The following BPIFB3 variants were observed in gnomAD, a reference collection of about 807,000 sequenced individuals.
BPIFB3 encodes BPI fold containing family B member 3.
A neutral mutation model predicts 53.1 loss-of-function variants in BPIFB3; 49 were observed. The ratio of observed to expected loss-of-function variants is 0.92; its 90% CI spans 0.73 to 1.17. BPIFB3 has a LOEUF of 1.17. BPIFB3 is among the 50% of genes most tolerant of loss of function. The pLI, the probability that BPIFB3 is intolerant of heterozygous loss-of-function variation, is 0.00. For missense variants in BPIFB3, 628 were observed against 592.5 expected (o/e 1.06, Z -0.62); for synonymous variants, 271 against 269.6 (o/e 1.01, Z -0.05).
At chr20:33,055,415 C>T (rs6057713), upstream of BPIFB3, 11 of 1,613,118 alleles carry the variant, frequency 6.8e-6, no homozygotes, top group Non-Finnish European at 6.8e-6. Context: ...CCTTCTGCTC[C>T]TTATAGGCAT....
At chr20:33,053,941 C>A (rs910024549), upstream of BPIFB3, among the ~76,000 whole-genome samples, 5 of 152,172 alleles carry the variant, frequency 3.3e-5, no homozygotes, top group Admixed American at 6.5e-5. Context: ...CCCCACCTAC[C>A]CCTTGTGGAG....
rs1042146490 is a variant in BPIFB3 at position 33,060,150 on chromosome 20, C to T, written c.527+119C>T. On this transcript the variant is annotated intron_variant, in intron 4 of 14. Coordinates refer to ENST00000375494, the Ensembl canonical transcript of BPIFB3. ...TGCGGGGGCCTGAACTCGTCCTACCCCTGCTTGTCCCGCCGGTTTCAACCC... is the reference window on the plus strand; with the variant it reads ...TGCGGGGGCCTGAACTCGTCCTACCTCTGCTTGTCCCGCCGGTTTCAACCC... The T allele has an allele frequency of 2.6e-4, 343 of 1,338,548 alleles. 2 individuals are homozygous for T. Among genetic ancestry groups the T allele is most frequent in the Middle Eastern group, 5.9e-4 (3 of 5,110 alleles). The allele number at this position is 1,338,548 out of a possible 1,614,324, so 82.9% of individuals were successfully genotyped here. A position where few individuals can be genotyped will look rare whatever the true frequency, so the allele number is the denominator to read the frequency against.
In BPIFB3 at chr20:33,068,807, T is replaced by C. The variant is rs149267742; in HGVS notation, c.983T>C (p.Leu328Pro). 2.4e-5 allele frequency: 38 copies of C among 1,613,328 alleles called. No individual in the cohort carries two copies. In the African/African-American group the frequency reaches 4.9e-4, roughly 21 times the overall value. ...TATGCCCCTGCATTTCTCCAGGCCC[T>C]GGGGAAGCTGCCCCTGCACCAGCAA... The change falls in exon 10 of 15, where the codon CTG becomes CCG. Residue 328 changes from leucine (L) to proline (P), a missense_variant. Physicochemically the swap from Leu to Pro is moderately conservative, Grantham distance 98 (BLOSUM62 -3). Transcript: ENST00000375494.
At chr20:33,056,475 C>T in intron 1 of BPIFB3, 67 bp from the exon 3 acceptor site, 2 of 1,567,108 alleles carry the variant, frequency 1.3e-6, no homozygotes, top group Non-Finnish European at 1.7e-6. Flanking sequence ...AGGAAGGAGG[C>T]AGCTGCCATG....
At chr20:33,061,677 A>G in intron 4 of BPIFB3, 91 bp from the exon 6 acceptor site, 4 of 1,283,392 alleles carry the variant, frequency 3.1e-6, no homozygotes, top group Admixed American at 2.0e-5. Context: ...GGAGAGGAGA[A>G]ATCCAGAGCC....
chr20:33,071,296 G>A lies in BPIFB3; in HGVS notation c.1260+1G>A, dbSNP rs146981368. ...CTCCTCCTTTACCCATGCCTTTGAC[G>A]TAAGTTCCTGGGAGGGTGAGGGGCT... On this transcript the variant is annotated splice_donor_variant, in intron 12 of 14. Transcript: ENST00000375494. LOFTEE classifies it high-confidence loss of function. The A allele has an allele frequency of 1.4e-3, 2,191 of 1,561,552 alleles. 39 individuals carry two copies. In the South Asian group the frequency reaches 0.02, roughly 14 times the overall value.
At chr20:33,068,234 T>C (rs574710079) in intron 9 of BPIFB3, among the ~76,000 whole-genome samples, 1 of 152,304 alleles carries the variant, frequency 6.6e-6, no homozygotes, top group Admixed American at 6.5e-5. Context: ...ACAGAGACAG[T>C]GTCAGAAGGT....
At chr20:33,072,595 G>A in intron 13 of BPIFB3, 122 bp from the exon 15 acceptor site, 1 of 805,874 alleles carries the variant, frequency 1.2e-6, no homozygotes, top group Non-Finnish European at 2.1e-6. Context: ...AGCTGATTCT[G>A]TGAGAAGAGA....
chr20:33,072,045 C>T, intron 12 of BPIFB3, 59 bp from the exon 14 acceptor site: 2 of 1,570,070 alleles, frequency 1.3e-6, no homozygotes, highest in South Asian at 1.1e-5. Context: ...CGGGATGCTG[C>T]TGCCTGTAAA....
At chr20:33,063,322 C>T (rs1980529459) in intron 5 of BPIFB3, among the ~76,000 whole-genome samples, 1 of 152,128 alleles carries the variant, frequency 6.6e-6, no homozygotes, top group Non-Finnish European at 1.5e-5. Context: ...TCCGCATGCC[C>T]AAACCAGCCC....
At chr20:33,066,961 C>T in intron 9 of BPIFB3, 84 bp downstream of exon 10, 1 of 1,409,190 alleles carries the variant, frequency 7.1e-7, no homozygotes, top group Non-Finnish European at 1.0e-6. Context: ...CTCAATACAG[C>T]TCTCCAGGCA....
chr20:33,059,924 G>C (rs761698108), exon 4 of BPIFB3: 1 of 1,614,134 alleles, frequency 6.2e-7, no homozygotes. Flanking sequence ...TGGCTGCGGA[G>C]GTGAACGTGA....
At chr20:33,057,822 C>CA (rs769606080) in intron 2 of BPIFB3, among the ~76,000 whole-genome samples, 2,026 of 140,228 alleles carry the variant, frequency 0.014, 25 homozygotes, top group Non-Finnish European at 0.02. Flanking sequence ...TTTTTTCATT[C>CA]AAAAAAAAAA....
At position 33,061,967 on chromosome 20, in the gene BPIFB3, G is replaced by A. The variant is rs143388207; in HGVS notation, c.591+136G>A. ...CCACACCCACCTGGTAATCCCATCCGGGCCTGCTGACCGGCCTTCCTGGCG... is the reference window on the plus strand; with the variant it reads ...CCACACCCACCTGGTAATCCCATCCAGGCCTGCTGACCGGCCTTCCTGGCG... On this transcript the variant is annotated intron_variant, in intron 5 of 14. Coordinates refer to ENST00000375494, the Ensembl canonical transcript of BPIFB3. 7 of 1,056,940 alleles carry A rather than the reference G, an allele frequency of 6.6e-6. No individual in the cohort carries two copies. The East Asian group carries it at 1.1e-4, about 16-fold the overall frequency. 65.5% of individuals were successfully genotyped at this position (1,056,940 alleles called of 1,614,324 possible).
exon 14 of BPIFB3, chr20:33,072,744 C>G (rs1483241386): frequency 1.2e-6 from 2 of 1,613,754 alleles, no homozygotes; most frequent in Non-Finnish European, 8.5e-7. Flanking sequence ...ATTCCCCTGC[C>G]TAAGGTTCTT....
chr20:33,058,587 T>C (rs1298892480), intron 2 of BPIFB3, among the ~76,000 whole-genome samples: 1 of 152,048 alleles, frequency 6.6e-6, no homozygotes, highest in Non-Finnish European at 1.5e-5. Flanking sequence ...TTATTATTAA[T>C]GCAATATTTA....
chr20:33,059,513 TG>T (rs1228757874), intron 3 of BPIFB3, 31 bp downstream of exon 4: 28 of 1,515,518 alleles, frequency 1.8e-5, no homozygotes, highest in Non-Finnish European at 2.5e-5. Context: ...TCTACCCTCC[TG>T]CTTCCTATCC....
At chr20:33,071,879 G>A (rs1047770250) in intron 12 of BPIFB3, among the ~76,000 whole-genome samples, 9 of 152,180 alleles carry the variant, frequency 5.9e-5, no homozygotes, top group African/African-American at 1.9e-4. Flanking sequence ...AGCTCATGGG[G>A]CCTGGGGTAA....
chr20:33,058,386 C>T (rs1258942370), intron 2 of BPIFB3, among the ~76,000 whole-genome samples: 2 of 152,106 alleles, frequency 1.3e-5, no homozygotes, highest in East Asian at 1.9e-4. Flanking sequence ...GAAACCGAGG[C>T]ACAGCAGCAC....
Sources: gnomAD v4.1 joint callset for allele counts (sites outside exome capture counted in the v4.1 genomes callset) on GRCh38, gnomAD v4.1.1 for gene constraint, MANE v1.5 for transcripts, NCBI Gene and HGNC (gene_info 2026-07-23, HGNC 2026-07-21) for gene names.